Variants in SPMIP4 observed in about 807,000 individuals in gnomAD.
The protein encoded by SPMIP4 is sperm-associated microtubule inner protein 4.
At chr7:25,129,072 C>T in the SPMIP4 span, among the ~76,000 whole-genome samples, 2 of 152,214 alleles carry the variant, frequency 1.3e-5, no homozygotes, top group African/African-American at 4.8e-5. Context: ...GAGTCTCTCC[C>T]AGTACTGTCA....
the SPMIP4 span, among the ~76,000 whole-genome samples, chr7:25,171,392 A>G: frequency 6.6e-6 from 1 of 152,196 alleles, no homozygotes; most frequent in African/African-American, 2.4e-5. Flanking sequence ...TGTTTCCTAT[A>G]CTGCTTTCTG....
At chr7:25,179,347 G>C in the SPMIP4 span, 1 of 1,590,374 alleles carries the variant, frequency 6.3e-7, no homozygotes, top group Non-Finnish European at 8.6e-7. Context: ...AAAAGAAAAG[G>C]AGGGCACATT....
the SPMIP4 span, among the ~76,000 whole-genome samples, chr7:25,140,206 C>A: frequency 6.6e-6 from 1 of 152,180 alleles, no homozygotes; most frequent in Non-Finnish European, 1.5e-5. Context: ...TGATAAAACA[C>A]AGCCTATAAA....
At chr7:25,165,341 C>T in the SPMIP4 span, among the ~76,000 whole-genome samples, 2 of 152,194 alleles carry the variant, frequency 1.3e-5, no homozygotes, top group African/African-American at 4.8e-5. Context: ...AAGATTACAA[C>T]TGAACTAGAC....
At chr7:25,146,207 T>A in the SPMIP4 span, among the ~76,000 whole-genome samples, 16 of 152,140 alleles carry the variant, frequency 1.1e-4, no homozygotes, top group Admixed American at 7.2e-4. Flanking sequence ...AGAATTATTT[T>A]TGGCCTCTAG....
At chr7:25,168,143 G>T in the SPMIP4 span, 1 of 652,738 alleles carries the variant, frequency 1.5e-6, no homozygotes, top group Non-Finnish European at 2.5e-6. Flanking sequence ...TTCACAATTA[G>T]AAATTAATTT....
chr7:25,133,459 A>T, the SPMIP4 span, among the ~76,000 whole-genome samples: 18 of 152,350 alleles, frequency 1.2e-4, no homozygotes, highest in African/African-American at 4.1e-4. Flanking sequence ...ACTGGATTGA[A>T]GGCAGAGAGA....
At chr7:25,134,176 C>T in the SPMIP4 span, among the ~76,000 whole-genome samples, 6 of 151,982 alleles carry the variant, frequency 3.9e-5, no homozygotes, top group South Asian at 4.2e-4. Flanking sequence ...AGGAGAATCG[C>T]TTGAACCCAG....
chr7:25,141,815 G>A, the SPMIP4 span, among the ~76,000 whole-genome samples: 2 of 151,916 alleles, frequency 1.3e-5, no homozygotes, highest in Non-Finnish European at 2.9e-5. Context: ...TCAGCTCATT[G>A]CAACCTCTGC....
the SPMIP4 span, chr7:25,179,338 A>G: frequency 1.0e-5 from 16 of 1,595,382 alleles, no homozygotes; most frequent in Non-Finnish European, 1.4e-5. Context: ...ACAACCTGGA[A>G]AAGAAAAGGA....
At chr7:25,141,769 G>A in the SPMIP4 span, among the ~76,000 whole-genome samples, 7 of 151,208 alleles carry the variant, frequency 4.6e-5, no homozygotes, top group African/African-American at 1.5e-4. Context: ...ACGTAGTCTC[G>A]CTCTGTCGTC....
chr7:25,148,460 T>C, the SPMIP4 span, among the ~76,000 whole-genome samples: 2 of 145,512 alleles, frequency 1.4e-5, no homozygotes, highest in Admixed American at 1.4e-4. Context: ...AAAGGCAGCA[T>C]GAGACAGAAT....
At chr7:25,131,872 T>C in the SPMIP4 span, among the ~76,000 whole-genome samples, 1 of 152,122 alleles carries the variant, frequency 6.6e-6, no homozygotes, top group African/African-American at 2.4e-5. The surrounding 1 kb of genome is among the most constrained non-coding windows in gnomAD (Gnocchi z 4.2). Flanking sequence ...GGAGTGGCAA[T>C]GGGCACCTCG....
At chr7:25,136,090 C>T in the SPMIP4 span, 2 of 1,614,086 alleles carry the variant, frequency 1.2e-6, no homozygotes, top group Non-Finnish European at 1.7e-6. The surrounding 1 kb of genome is among the most constrained non-coding windows in gnomAD (Gnocchi z 5.7). Flanking sequence ...CTTTTGTGCA[C>T]CAGTTTTTGA....
chr7:25,148,061 C>T, the SPMIP4 span, among the ~76,000 whole-genome samples: 1 of 152,142 alleles, frequency 6.6e-6, no homozygotes, highest in East Asian at 1.9e-4. Flanking sequence ...TTAGTAGTGT[C>T]CCTTCTCCTT....
At chr7:25,142,884 A>C in the SPMIP4 span, 30 of 1,186,028 alleles carry the variant, frequency 2.5e-5, no homozygotes, top group Non-Finnish European at 3.3e-5. Flanking sequence ...TCATGATCTC[A>C]GCAGGAAAGA....
chr7:25,156,119 CT>C, the SPMIP4 span, among the ~76,000 whole-genome samples: 7 of 152,156 alleles, frequency 4.6e-5, no homozygotes, highest in Non-Finnish European at 4.4e-5. Context: ...GCCTGGTATC[CT>C]TTTAGGAAAG....
the SPMIP4 span, chr7:25,142,610 A>T: frequency 6.4e-7 from 1 of 1,567,682 alleles, no homozygotes; most frequent in Non-Finnish European, 8.6e-7. Flanking sequence ...TTTTGTTCTA[A>T]TTTTTACTTG....
chr7:25,140,263 G>A, the SPMIP4 span, among the ~76,000 whole-genome samples: 1 of 152,142 alleles, frequency 6.6e-6, no homozygotes, highest in African/African-American at 2.4e-5. Flanking sequence ...AAATGCTGAA[G>A]CAAATGTAAA....
Sources: gnomAD v4.1 joint callset for allele counts (sites outside exome capture counted in the v4.1 genomes callset) on GRCh38, gnomAD v4.1.1 for gene constraint, Gnocchi (gnomAD v3.1) non-coding constraint, MANE v1.5 for transcripts, NCBI Gene and HGNC (gene_info 2026-07-23, HGNC 2026-07-21) for gene names.